WDFY4: variants seen among roughly 807,000 people sequenced by gnomAD.
WDFY4 encodes WDFY family member 4, also known as WD repeat- and FYVE domain-containing protein 4.
A neutral mutation model predicts 351.9 loss-of-function variants in WDFY4; 169 were observed. The ratio of observed to expected loss-of-function variants is 0.48; its 90% CI spans 0.42 to 0.55. WDFY4 has a LOEUF of 0.55. Among genes scored for constraint, WDFY4 ranks in the 20% least tolerant of loss-of-function variants. The pLI, the probability that WDFY4 is intolerant of heterozygous loss-of-function variation, is 0.00. For synonymous variants in WDFY4, 1,622 were observed against 1,574.6 expected (o/e 1.03, Z -0.71); for missense variants, 3,803 against 3,935.6 (o/e 0.97, Z 0.90).
intron 47 of WDFY4, chr10:48,914,073 C>T (rs1377053517): frequency 6.2e-7 from 1 of 1,614,174 alleles, no homozygotes; most frequent in Non-Finnish European, 8.5e-7. Context: ...GCGCTTTTTC[C>T]CATCAAAAGT....
intron 39 of WDFY4, 133 bp downstream of exon 39, chr10:48,832,842 A>C (rs1486816959): frequency 1.6e-6 from 2 of 1,217,140 alleles, no homozygotes; most frequent in Non-Finnish European, 2.2e-6. Context: ...GAGGGTATGC[A>C]TGTAGCTCCC....
chr10:48,789,995 A>G lies in WDFY4; in HGVS notation c.4066+10A>G, dbSNP rs534387326. 2 of 1,551,732 alleles carry G rather than the reference A, an allele frequency of 1.3e-6. No homozygotes were observed. The highest frequency in any genetic ancestry group is 2.7e-5 in the African/African-American group (2 of 73,142). On this transcript the variant is annotated intron_variant, in intron 22 of 61. Coordinates refer to ENST00000325239, the MANE Select transcript of WDFY4 (RefSeq NM_001394531.1). ...GCTGTGGGTCAATTAGGTATGTTCA[A>G]CTGGGAAGCTTTGCCGCTATTTGGG...
At chr10:48,975,849 G>C (rs1386176584) in intron 58 of WDFY4, among the ~76,000 whole-genome samples, 1 of 152,160 alleles carries the variant, frequency 6.6e-6, no homozygotes, top group Non-Finnish European at 1.5e-5. Context: ...CAGATAAATG[G>C]ATGAATAGGT....
intron 50 of WDFY4, 66 bp downstream of exon 50, chr10:48,946,223 A>G: frequency 7.9e-7 from 1 of 1,270,736 alleles, no homozygotes. Flanking sequence ...ATGATAGTTG[A>G]TAACAATTAA....
chr10:48,718,035 TC>T (rs1197942202), intron 2 of WDFY4, among the ~76,000 whole-genome samples: 1 of 152,200 alleles, frequency 6.6e-6, no homozygotes, highest in Non-Finnish European at 1.5e-5. Context: ...TTCCTGTGAT[TC>T]CCCCCATTCT....
rs531801101 is a variant in WDFY4 at position 48,721,505 on chromosome 10, C to T, written c.456+138C>T. On this transcript the variant is annotated intron_variant, in intron 4 of 61. Coordinates refer to ENST00000325239, the MANE Select transcript of WDFY4 (RefSeq NM_001394531.1). Reference sequence around the variant, plus strand: ...GTTTATTATTTCTCCTCCCTCCTCCCCTTCTGGTGTAGAACATGGACTTCA... The same window carrying T: ...GTTTATTATTTCTCCTCCCTCCTCCTCTTCTGGTGTAGAACATGGACTTCA... 141 of 774,750 alleles carry T rather than the reference C, an allele frequency of 1.8e-4. No individual in the cohort carries two copies. In the African/African-American group the frequency reaches 2.2e-3, roughly 12 times the overall value. 48.0% of individuals were successfully genotyped at this position (774,750 alleles called of 1,614,324 possible).
At chr10:48,936,605 AAG>A (rs72041826) in intron 47 of WDFY4, among the ~76,000 whole-genome samples, 59,446 of 151,310 alleles carry the variant, frequency 0.39, 13,400 homozygotes, top group Non-Finnish European at 0.51. Context: ...TCGGAGGCCG[AAG>A]AGGGTGGATC....
intron 24 of WDFY4, chr10:48,801,461 A>G (rs1304514188): frequency 1.5e-5 from 7 of 454,216 alleles, no homozygotes; most frequent in South Asian, 9.4e-5. Flanking sequence ...GACTGCCTTC[A>G]TGAATCAATA....
intron 13 of WDFY4, among the ~76,000 whole-genome samples, chr10:48,773,364 C>T (rs12220888): frequency 0.052 from 7,965 of 152,240 alleles, 323 homozygotes; most frequent in Middle Eastern, 0.16. Flanking sequence ...TCACTTGATA[C>T]GACATCTTAT....
intron 43 of WDFY4, among the ~76,000 whole-genome samples, chr10:48,881,858 C>T (rs1009062894): frequency 2.0e-5 from 3 of 152,178 alleles, no homozygotes; most frequent in Non-Finnish European, 2.9e-5. Flanking sequence ...GTGAACCTGT[C>T]CTGGTGCGCC....
At chr10:48,742,288 A>G (rs553478649) in intron 11 of WDFY4, among the ~76,000 whole-genome samples, 1 of 152,220 alleles carries the variant, frequency 6.6e-6, no homozygotes, top group East Asian at 1.9e-4. Flanking sequence ...ATACCTATGC[A>G]TTTCATTCCA....
At chr10:48,750,633 A>G (rs1589519536) in intron 12 of WDFY4, among the ~76,000 whole-genome samples, 1 of 152,368 alleles carries the variant, frequency 6.6e-6, no homozygotes, top group South Asian at 2.1e-4. Context: ...TCAATGATTA[A>G]TTGTGTAATC....
intron 57 of WDFY4, 72 bp from the exon 58 acceptor site, chr10:48,974,790 G>T (rs747261041): frequency 6.5e-5 from 91 of 1,406,692 alleles, no homozygotes; most frequent in Non-Finnish European, 8.2e-5. Context: ...CAGCTTTATA[G>T]GGAGGGTGAA....
intron 1 of WDFY4, among the ~76,000 whole-genome samples, chr10:48,692,861 G>C (rs998740828): frequency 6.6e-6 from 1 of 152,210 alleles, no homozygotes; most frequent in Non-Finnish European, 1.5e-5. Flanking sequence ...TTGAAAACTG[G>C]AAGGGGCTGT....
intron 46 of WDFY4, among the ~76,000 whole-genome samples, chr10:48,901,517 T>C (rs964271504): frequency 2.0e-5 from 3 of 152,254 alleles, no homozygotes; most frequent in African/African-American, 7.2e-5. Context: ...ATTGGCAATG[T>C]TGTCAACTGC....
chr10:48,706,718 T>C (rs183716521), intron 1 of WDFY4, among the ~76,000 whole-genome samples: 90 of 152,372 alleles, frequency 5.9e-4, no homozygotes, highest in Non-Finnish European at 1.0e-3. Context: ...TATTTCCTTT[T>C]AGAAATTCAG....
intron 24 of WDFY4, among the ~76,000 whole-genome samples, chr10:48,798,350 C>A (rs2066943506): frequency 6.6e-6 from 1 of 151,434 alleles, no homozygotes; most frequent in Non-Finnish European, 1.5e-5. Context: ...ATCAACAAGG[C>A]CAATTACTGT....
At chr10:48,725,837 T>C (rs1186409210) in intron 5 of WDFY4, 44 bp from the exon 6 acceptor site, 1 of 1,502,258 alleles carries the variant, frequency 6.7e-7, no homozygotes. Flanking sequence ...GGAAGGAGAC[T>C]TCCTAACCAG....
chr10:48,962,573 G>C (rs1390235376), intron 53 of WDFY4, among the ~76,000 whole-genome samples: 2 of 152,176 alleles, frequency 1.3e-5, no homozygotes, highest in Non-Finnish European at 2.9e-5. Flanking sequence ...TTGCCAACCT[G>C]GGTCCCCCAT....
Sources: gnomAD v4.1 joint callset for allele counts (sites outside exome capture counted in the v4.1 genomes callset) on GRCh38, gnomAD v4.1.1 for gene constraint, MANE v1.5 for transcripts, NCBI Gene and HGNC (gene_info 2026-07-23, HGNC 2026-07-21) for gene names.